The following RARB variants were observed in gnomAD, a reference collection of about 807,000 sequenced individuals.
The protein encoded by RARB is HBV-activated protein.
In RARB, 17 loss-of-function variants were observed where a neutral mutation model predicts 51.9. The ratio of observed to expected loss-of-function variants is 0.33; its 90% CI spans 0.22 to 0.49. The LOEUF is 0.49. RARB is among the 20% of genes least tolerant of loss of function. The probability of loss-of-function intolerance (pLI) is 0.99; values close to 1 mark genes in which losing one functional copy is unlikely to be tolerated. For missense variants in RARB, 369 were observed against 550.8 expected (o/e 0.67, Z 3.30); for synonymous variants, 215 against 195.4 (o/e 1.10, Z -0.84).
rs1701884136 is a variant in RARB, at chr3:25,597,361, C to CTTTAAATTAAAAGTGGTTTA, written c.*748_*767dup. On this transcript the variant is annotated 3_prime_UTR_variant, in exon 8 of 8. Transcript: ENST00000330688. Reference sequence around the variant, plus strand: ...GTCATTTGTTCAATTGTTAATGTCACTTTAAATTAAAAGTGGTTTATTACT... The same window carrying CTTTAAATTAAAAGTGGTTTA: ...GTCATTTGTTCAATTGTTAATGTCACTTTAAATTAAAAGTGGTTTATTTAAATTAAAAGTGGTTTATTACT... 1 of 152,428 alleles carries CTTTAAATTAAAAGTGGTTTA rather than the reference C, an allele frequency of 6.6e-6. No homozygotes were observed. Among genetic ancestry groups the CTTTAAATTAAAAGTGGTTTA allele is most frequent in the African/African-American group, 2.4e-5 (1 of 41,394 alleles). The allele number at this position is 152,428 out of a possible 1,614,324, so 9.4% of individuals were successfully genotyped here.
intron 5 of RARB, among the ~76,000 whole-genome samples, chr3:25,296,326 G>A (rs1703913588): frequency 6.6e-6 from 1 of 152,188 alleles, no homozygotes; most frequent in Non-Finnish European, 1.5e-5. Context: ...GGTTTTGCTG[G>A]AAGTTCCTAC....
intron 2 of RARB, among the ~76,000 whole-genome samples, chr3:24,882,085 A>T (rs1359076201): frequency 1.3e-5 from 2 of 152,230 alleles, no homozygotes; most frequent in Admixed American, 1.3e-4. Flanking sequence ...GGAGAATAAG[A>T]GAATAATGTC....
chr3:25,090,378 C>T (rs1435580792), intron 3 of RARB, among the ~76,000 whole-genome samples: 2 of 152,096 alleles, frequency 1.3e-5, no homozygotes, highest in African/African-American at 4.8e-5. Context: ...ACAATGTTAA[C>T]TTGTTTTGCA....
intron 5 of RARB, among the ~76,000 whole-genome samples, chr3:25,331,887 C>A (rs1704908003): frequency 1.3e-5 from 2 of 152,170 alleles, no homozygotes; most frequent in Non-Finnish European, 2.9e-5. Context: ...TCAGAGAATA[C>A]TATTAACACC....
chr3:25,496,348 C>T (rs1697032788), intron 2 of RARB, among the ~76,000 whole-genome samples: 1 of 152,178 alleles, frequency 6.6e-6, no homozygotes. Flanking sequence ...TTCCTCCATC[C>T]AACTGTACTG....
chr3:25,147,789 G>C lies in RARB; in HGVS notation c.-280+15581G>C, dbSNP rs1295766491. Among the ~76,000 whole-genome samples, 3 of 152,326 alleles carry C rather than the reference G, an allele frequency of 2.0e-5. No homozygotes were observed. In the East Asian group the frequency reaches 5.8e-4, roughly 29 times the overall value. ...CCATTGCAAAGAGGGCTGGACATGT[G>C]ACATGGTTCTAGCCAATGAGACTTA... On this transcript the variant is annotated intron_variant, in intron 4 of 11. Transcript: ENST00000383772.
intron 5 of RARB, among the ~76,000 whole-genome samples, chr3:25,420,197 A>C (rs543012407): frequency 6.6e-6 from 1 of 152,258 alleles, no homozygotes; most frequent in East Asian, 1.9e-4. Flanking sequence ...TACCCTGACA[A>C]TTCCCACTCA....
chr3:25,475,926 A>G (rs1178481354), intron 2 of RARB, among the ~76,000 whole-genome samples: 1 of 152,326 alleles, frequency 6.6e-6, no homozygotes, highest in East Asian at 1.9e-4. Flanking sequence ...ATGGCTTCAA[A>G]TAGTAGTTGT....
At chr3:25,217,208 G>C (rs1701853891) in intron 5 of RARB, among the ~76,000 whole-genome samples, 1 of 152,184 alleles carries the variant, frequency 6.6e-6, no homozygotes, top group African/African-American at 2.4e-5. Flanking sequence ...TGTTGGTACA[G>C]TTTGTAGCAG....
chr3:25,254,599 G>T (rs1215833496), intron 5 of RARB, among the ~76,000 whole-genome samples: 1 of 151,482 alleles, frequency 6.6e-6, no homozygotes, highest in African/African-American at 2.4e-5. Flanking sequence ...TACAGCTGGG[G>T]GGTCGGGGGG....
chr3:24,865,298 A>G (rs886743632), intron 2 of RARB, among the ~76,000 whole-genome samples: 5 of 152,148 alleles, frequency 3.3e-5, no homozygotes, highest in Non-Finnish European at 7.4e-5. Context: ...CTGCATATGC[A>G]GTGTTTTCCA....
At chr3:25,373,499 C>T (rs114128896) in intron 5 of RARB, among the ~76,000 whole-genome samples, 31 of 152,164 alleles carry the variant, frequency 2.0e-4, no homozygotes, top group African/African-American at 6.7e-4. Context: ...TAAGAAGTTC[C>T]CAGAAGTCAG....
chr3:24,849,260 A>C (rs915894741), intron 1 of RARB, among the ~76,000 whole-genome samples: 1 of 152,238 alleles, frequency 6.6e-6, no homozygotes, highest in African/African-American at 2.4e-5. Context: ...GCATTGTACT[A>C]TAATTACCTG....
At chr3:25,000,400 A>T (rs1483741634) in intron 2 of RARB, among the ~76,000 whole-genome samples, 1 of 152,102 alleles carries the variant, frequency 6.6e-6, no homozygotes, top group South Asian at 2.1e-4. Flanking sequence ...ATGGGGCCAC[A>T]GTTAGTTTGG....
intron 2 of RARB, among the ~76,000 whole-genome samples, chr3:25,024,142 A>T (rs961388064): frequency 3.9e-5 from 6 of 152,310 alleles, no homozygotes; most frequent in African/African-American, 1.4e-4. Flanking sequence ...CCTGAGTCTC[A>T]AATTAGAAAA....
rs566558387 is a variant in RARB at position 25,428,634 on chromosome 3, G to A, written c.-98G>A. On this transcript the variant is annotated 5_prime_UTR_variant, in exon 1 of 8. Transcript: ENST00000330688. Reference sequence around the variant, plus strand: ...GACCAACAGCCTACGTGCCAAAAAAGGGGCAGAGTTTGATGGAGTTGGGTG... The same window carrying A: ...GACCAACAGCCTACGTGCCAAAAAAAGGGCAGAGTTTGATGGAGTTGGGTG... 6.5e-4 allele frequency: 937 copies of A among 1,449,822 alleles called. No homozygotes were observed. The highest frequency in any genetic ancestry group is 1.6e-3 in the Middle Eastern group (7 of 4,386). The allele number at this position is 1,449,822 out of a possible 1,614,324, so 89.8% of individuals were successfully genotyped here.
intron 3 of RARB, among the ~76,000 whole-genome samples, chr3:25,539,592 T>TTC (rs2125653339): frequency 6.8e-6 from 1 of 146,196 alleles, no homozygotes; most frequent in African/African-American, 2.5e-5. Flanking sequence ...TTTTTTTTTT[T>TTC]CTCTTGTTTT....
intron 4 of RARB, among the ~76,000 whole-genome samples, chr3:25,162,241 C>T (rs1365534669): frequency 6.6e-6 from 1 of 152,064 alleles, no homozygotes; most frequent in Non-Finnish European, 1.5e-5. Context: ...GTAGCTAAGA[C>T]TATAGGCAAG....
chr3:25,387,134 G>T (rs144610715), intron 5 of RARB, among the ~76,000 whole-genome samples: 3 of 152,086 alleles, frequency 2.0e-5, no homozygotes, highest in Non-Finnish European at 4.4e-5. Context: ...TGAGTTTGCC[G>T]GAAGACCTTC....
Sources: allele counts gnomAD v4.1 joint callset (sites outside exome capture counted in the v4.1 genomes callset), GRCh38; gene constraint gnomAD v4.1.1; transcripts MANE v1.5; gene names NCBI Gene and HGNC (gene_info 2026-07-23, HGNC 2026-07-21).